The following NEK11 variants were observed in gnomAD, a reference collection of about 807,000 sequenced individuals.
The protein encoded by NEK11 is NIMA related kinase 11, also known as serine/threonine-protein kinase Nek11.
In NEK11, 72 loss-of-function variants were observed where a neutral mutation model predicts 80.7. That is an observed-to-expected ratio of 0.89 (90% CI 0.74 to 1.08). The LOEUF (loss-of-function observed/expected upper bound fraction) is 1.08, where lower values mean the gene tolerates loss of function less well. Ranked by LOEUF, NEK11 falls within the 50% of genes least tolerant of loss-of-function variation. The probability of loss-of-function intolerance (pLI) is 0.00; values close to 1 mark genes in which losing one functional copy is unlikely to be tolerated. For synonymous variants in NEK11, 251 were observed against 260.7 expected, an observed-to-expected ratio of 0.96 and a Z score of 0.36; for missense variants, 764 against 763.6, an observed-to-expected ratio of 1.00 and a Z score of -0.01.
chr3:131,061,716 A>G (rs1008587980), intron 3 of NEK11, among the ~76,000 whole-genome samples: 1 of 152,202 alleles, frequency 6.6e-6, no homozygotes, highest in Non-Finnish European at 1.5e-5. Context: ...AAGACTTAGC[A>G]TATTGACCGG....
In NEK11 at chr3:131,311,477, CAA is replaced by C. The variant is rs111928299; in HGVS notation, c.1718+37905_1718+37906del. On this transcript the variant is annotated intron_variant, in intron 17 of 17. Coordinates refer to ENST00000383366, the MANE Select transcript of NEK11 (RefSeq NM_024800.5). The stretch of plus-strand genomic sequence containing the variant: ...GACTTACTAGTCCTGTAGCTTTGGG[CAA>C]ATTGCCTAAGTTTTCTGGGCTTCCT... 9.8e-3 allele frequency among the ~76,000 whole-genome samples: 1,495 copies of C among 152,290 alleles called. 19 individuals carry two copies. The highest frequency in any genetic ancestry group is 0.032 in the African/African-American group (1,335 of 41,558).
intron 3 of NEK11, among the ~76,000 whole-genome samples, chr3:131,068,850 A>G (rs1221700723): frequency 6.6e-6 from 1 of 152,218 alleles, no homozygotes; most frequent in Non-Finnish European, 1.5e-5. Flanking sequence ...CAAAAATATA[A>G]GACCCAGAAT....
chr3:131,259,657 A>C (rs1180301665), intron 16 of NEK11, among the ~76,000 whole-genome samples: 1 of 152,078 alleles, frequency 6.6e-6, no homozygotes, highest in Non-Finnish European at 1.5e-5. Context: ...ACCCTCAGAG[A>C]GCTCCAGTCC....
At chr3:131,283,363 A>G (rs17334580) in intron 17 of NEK11, among the ~76,000 whole-genome samples, 1 of 152,224 alleles carries the variant, frequency 6.6e-6, no homozygotes, top group Admixed American at 6.5e-5. Context: ...GCTGTGATTC[A>G]AAGAGGTTAA....
chr3:131,338,119 G>T (rs1016113709), intron 17 of NEK11, among the ~76,000 whole-genome samples: 8 of 151,862 alleles, frequency 5.3e-5, no homozygotes, highest in African/African-American at 1.9e-4. Context: ...GGCACACGCC[G>T]CCATGCCCGG....
chr3:131,260,521 C>T (rs1206791459), intron 16 of NEK11, among the ~76,000 whole-genome samples: 2 of 152,148 alleles, frequency 1.3e-5, no homozygotes, highest in African/African-American at 4.8e-5. Context: ...TGGAACACAG[C>T]CATGCTCATT....
At chr3:131,303,745 G>A (rs1419559362) in intron 17 of NEK11, among the ~76,000 whole-genome samples, 5 of 152,054 alleles carry the variant, frequency 3.3e-5, no homozygotes, top group African/African-American at 4.8e-5. Context: ...GGTTCCCTTC[G>A]TAGGTGACCT....
chr3:131,125,675 C>T (rs2083204001), intron 5 of NEK11, among the ~76,000 whole-genome samples: 1 of 152,066 alleles, frequency 6.6e-6, no homozygotes, highest in Non-Finnish European at 1.5e-5. Flanking sequence ...TTATGTAGTA[C>T]AGCACATAAC....
chr3:131,194,840 G>C (rs527947788), intron 14 of NEK11, among the ~76,000 whole-genome samples: 17 of 152,234 alleles, frequency 1.1e-4, no homozygotes, highest in African/African-American at 4.1e-4. Flanking sequence ...GGTATAGTAA[G>C]AATCAAGAGA....
chr3:131,113,114 T>C (rs577930931), intron 5 of NEK11, among the ~76,000 whole-genome samples: 3 of 152,126 alleles, frequency 2.0e-5, no homozygotes, highest in South Asian at 2.1e-4. Flanking sequence ...ACTCAGTAAG[T>C]TGAAATGACT....
chr3:131,098,612 G>A (rs1477888707), intron 4 of NEK11, among the ~76,000 whole-genome samples: 1 of 142,676 alleles, frequency 7.0e-6, no homozygotes, highest in Non-Finnish European at 1.5e-5. Context: ...GTCTCACTCT[G>A]TTGCCCAGGC....
intron 14 of NEK11, among the ~76,000 whole-genome samples, chr3:131,213,230 G>A (rs1285364734): frequency 1.3e-5 from 2 of 151,976 alleles, no homozygotes; most frequent in African/African-American, 2.4e-5. Flanking sequence ...ATCTTGCTGT[G>A]TTAAGTTTGC....
intron 5 of NEK11, among the ~76,000 whole-genome samples, chr3:131,116,469 G>A (rs1469263673): frequency 3.3e-5 from 5 of 152,048 alleles, no homozygotes; most frequent in African/African-American, 7.2e-5. Context: ...AGCATGATTT[G>A]TAATCCTTTG....
At position 131,349,653 on chromosome 3, in the gene NEK11, C is replaced by T. The variant is rs12637848; in HGVS notation, c.1815C>T (p.Arg605=). ...RHQNASEAEI[R]ECLEKVVPQA... is the part of the protein sequence containing the mutation. ...AGAATGCTAGCGAAGCAGAGATCCG[C>T]GAGTGTTTGGAAAAAGTGGTGCCTC... The change falls in exon 18 of 18, where the codon CGC becomes CGT. Residue 605 remains arginine (R), a synonymous_variant. Transcript: ENST00000383366. 38,157 of 1,614,010 alleles carry T rather than the reference C, an allele frequency of 0.024. 596 individuals carry two copies. Among genetic ancestry groups the T allele is most frequent in the East Asian group, 0.074 (3,327 of 44,862 alleles).
rs192370936 is a variant in NEK11 at position 131,059,312 on chromosome 3, C to T, written c.171-21111C>T. On this transcript the variant is annotated intron_variant, in intron 3 of 17. Coordinates refer to ENST00000383366, the MANE Select transcript of NEK11 (RefSeq NM_024800.5). The stretch of plus-strand genomic sequence containing the variant: ...CATCAAATTGTATACATTAAGTGTG[C>T]AGGTTTTTTGGTATATAAATTATAT... Among the ~76,000 whole-genome samples, 3 of 152,128 alleles carry T rather than the reference C, an allele frequency of 2.0e-5. No individual in the cohort carries two copies. The East Asian group carries it at 5.8e-4, about 29-fold the overall frequency.
Position 131,044,422 on chromosome 3 carries a change from C to CAAAA in NEK11, c.170+14562_170+14565dup, listed in dbSNP as rs57412173. Among the ~76,000 whole-genome samples, 218 of 37,752 alleles carry CAAAA rather than the reference C, an allele frequency of 5.8e-3. 11 individuals are homozygous for CAAAA. Among genetic ancestry groups the CAAAA allele is most frequent in the African/African-American group, 0.016 (107 of 6,564 alleles). 24.8% of individuals were successfully genotyped at this position (37,752 alleles called of 152,430 possible). ...GACTATTTACCAAGCAAATGGAAAGCAAAAAAAAAAAAAAAAAAAAAGGTG... is the reference window on the plus strand; with the variant it reads ...GACTATTTACCAAGCAAATGGAAAGCAAAAAAAAAAAAAAAAAAAAAAAAAGGTG... On this transcript the variant is annotated intron_variant, in intron 3 of 17. Coordinates refer to ENST00000383366, the MANE Select transcript of NEK11 (RefSeq NM_024800.5).
chr3:131,279,003 T>G (rs2096351702), intron 17 of NEK11, among the ~76,000 whole-genome samples: 1 of 151,966 alleles, frequency 6.6e-6, no homozygotes, highest in Non-Finnish European at 1.5e-5. Context: ...GGAATCAGTC[T>G]TAATAAAAAT....
In NEK11 at chr3:131,158,617, G is replaced by A. The variant is rs1300137087; in HGVS notation, c.962+3496G>A. ...ACACAGACCTATGCCCACAAGTGCT[G>A]CACCCTGTGCTAACACCACCACCAG... On this transcript the variant is annotated intron_variant, in intron 10 of 17. Transcript: ENST00000383366. Among the ~76,000 whole-genome samples, 4 of 152,176 alleles carry A rather than the reference G, an allele frequency of 2.6e-5. No homozygotes were observed. In the East Asian group the frequency reaches 5.8e-4, roughly 22 times the overall value.
chr3:131,185,559 C>G lies in NEK11; in HGVS notation c.1399+14672C>G, dbSNP rs558070874. Among the ~76,000 whole-genome samples the G allele has an allele frequency of 3.4e-4, 52 of 152,220 alleles. No individual in the cohort carries two copies. In the South Asian group the frequency reaches 0.01, roughly 30 times the overall value. Reference sequence around the variant, plus strand: ...CACCAACTCAAATGCTCAACTGATCCCCAATATCTTACAGTTTGAGGCGCT... The same window carrying G: ...CACCAACTCAAATGCTCAACTGATCGCCAATATCTTACAGTTTGAGGCGCT... On this transcript the variant is annotated intron_variant, in intron 14 of 17. Coordinates refer to ENST00000383366, the MANE Select transcript of NEK11 (RefSeq NM_024800.5).
Sources: allele counts gnomAD v4.1 joint callset (sites outside exome capture counted in the v4.1 genomes callset), GRCh38; gene constraint gnomAD v4.1.1; transcripts MANE v1.5; gene names NCBI Gene and HGNC (gene_info 2026-07-23, HGNC 2026-07-21).